Variants in RIN2 observed in about 807,000 individuals in gnomAD.
RIN2 encodes the protein RAB5 interacting protein 2.
RIN2 carries 36 observed loss-of-function variants against 78.0 expected under a neutral mutation model. That is an observed-to-expected ratio of 0.46 (90% CI 0.35 to 0.61). The LOEUF (loss-of-function observed/expected upper bound fraction) is 0.61. RIN2 is among the 20% of genes least tolerant of loss of function. The pLI, the probability that RIN2 is intolerant of heterozygous loss-of-function variation, is 0.00. For missense variants in RIN2, 1,087 were observed against 1,159.7 expected (o/e 0.94, Z 0.91); for synonymous variants, 466 against 466.8 (o/e 1.00, Z 0.02).
intron 4 of RIN2, among the ~76,000 whole-genome samples, chr20:19,956,275 AAAG>A (rs2041531800): frequency 6.6e-6 from 1 of 151,040 alleles, no homozygotes; most frequent in African/African-American, 2.4e-5. Flanking sequence ...AAAAAAAAAA[AAAG>A]AAAAGAAAAA....
intron 2 of RIN2, among the ~76,000 whole-genome samples, chr20:19,878,146 C>T (rs531519145): frequency 1.3e-5 from 2 of 152,322 alleles, no homozygotes; most frequent in South Asian, 2.1e-4. Flanking sequence ...CACCCCTCCT[C>T]GTGGAAGGAG....
chr20:19,791,990 C>G (rs1373185836), intron 1 of RIN2, among the ~76,000 whole-genome samples: 1 of 152,174 alleles, frequency 6.6e-6, no homozygotes, highest in South Asian at 2.1e-4. Flanking sequence ...TTCCCTCCCC[C>G]ATCCAGCTTT....
chr20:19,913,551 A>T (rs758797674), intron 3 of RIN2, among the ~76,000 whole-genome samples: 2 of 152,230 alleles, frequency 1.3e-5, no homozygotes, highest in Non-Finnish European at 2.9e-5. Context: ...TTCATCTTGC[A>T]GAATTGAAAC....
intron 1 of RIN2, among the ~76,000 whole-genome samples, chr20:19,786,008 T>C (rs533028902): frequency 6.6e-6 from 1 of 152,244 alleles, no homozygotes; most frequent in Admixed American, 6.5e-5. Context: ...ATGTGAAAAA[T>C]GAGAATGGGA....
intron 4 of RIN2, among the ~76,000 whole-genome samples, chr20:19,952,043 C>A (rs1568653026): frequency 6.6e-6 from 1 of 152,114 alleles, no homozygotes; most frequent in Non-Finnish European, 1.5e-5. Flanking sequence ...AAGCAGCCTG[C>A]CAAGGAGTGA....
At chr20:19,933,281 G>A (rs568765238) in intron 3 of RIN2, among the ~76,000 whole-genome samples, 11 of 152,174 alleles carry the variant, frequency 7.2e-5, no homozygotes, top group Non-Finnish European at 1.3e-4. Flanking sequence ...CTACAAAGTT[G>A]GCAAGATCTG....
At chr20:19,958,497 C>G (rs1568662412) in intron 5 of RIN2, among the ~76,000 whole-genome samples, 1 of 152,274 alleles carries the variant, frequency 6.6e-6, no homozygotes, top group Non-Finnish European at 1.5e-5. Context: ...GATCCCTGCA[C>G]AGGGCCTGCC....
In RIN2 at chr20:19,963,607, C is replaced by T. The variant is rs568159120; in HGVS notation, c.464-1345C>T. 1.6e-4 allele frequency among the ~76,000 whole-genome samples: 18 copies of T among 111,102 alleles called. No individual in the cohort carries two copies. The East Asian group carries it at 9.4e-3, about 58-fold the overall frequency. 72.9% of individuals were successfully genotyped at this position (111,102 alleles called of 152,430 possible). A position where few individuals can be genotyped will look rare whatever the true frequency, so the allele number is the denominator to read the frequency against. On this transcript the variant is annotated intron_variant, in intron 6 of 12. Coordinates refer to ENST00000255006, the MANE Select transcript of RIN2 (RefSeq NM_018993.4). ...CTGGGCAACAACAGCGAAACTCTGT[C>T]TCCAAAAAAAAAAAAAAAGGCAAAT...
At chr20:19,924,376 T>C (rs926873129) in intron 3 of RIN2, among the ~76,000 whole-genome samples, 10 of 4,414 alleles carry the variant, frequency 2.3e-3, no homozygotes, top group African/African-American at 4.3e-3. Context: ...CTTCATACCC[T>C]CACCTTCGTA....
At chr20:19,840,162 A>T (rs183320557) in intron 2 of RIN2, among the ~76,000 whole-genome samples, 3 of 152,350 alleles carry the variant, frequency 2.0e-5, no homozygotes, top group African/African-American at 7.2e-5. Flanking sequence ...GTTTTAGCCA[A>T]CTCCAACCTC....
intron 2 of RIN2, among the ~76,000 whole-genome samples, chr20:19,851,545 C>T (rs546471015): frequency 1.4e-4 from 22 of 152,120 alleles, no homozygotes; most frequent in South Asian, 4.2e-4. Context: ...TGCAACATAA[C>T]GAGACTTCAT....
intron 1 of RIN2, among the ~76,000 whole-genome samples, chr20:19,787,794 G>T (rs1465891290): frequency 6.6e-6 from 1 of 152,198 alleles, no homozygotes. Flanking sequence ...CATAGATCTA[G>T]TAAGGGGAGG....
At chr20:19,937,560 A>G (rs1000741366) in intron 4 of RIN2, among the ~76,000 whole-genome samples, 4 of 152,212 alleles carry the variant, frequency 2.6e-5, no homozygotes, top group African/African-American at 9.6e-5. Context: ...CTATTACTCT[A>G]GCTGTGTTAG....
intron 1 of RIN2, among the ~76,000 whole-genome samples, chr20:19,798,664 G>A (rs1047044413): frequency 5.3e-5 from 8 of 152,048 alleles, no homozygotes; most frequent in South Asian, 2.1e-4. Flanking sequence ...GTGTGTGTGC[G>A]TGTAATAGGA....
intron 2 of RIN2, among the ~76,000 whole-genome samples, chr20:19,852,957 A>C (rs544047508): frequency 1.6e-4 from 24 of 151,730 alleles, no homozygotes; most frequent in African/African-American, 5.8e-4. Flanking sequence ...ATATGTATAC[A>C]TGTGCCATGT....
chr20:19,834,980 G>A (rs1354727626), intron 2 of RIN2, among the ~76,000 whole-genome samples: 3 of 144,348 alleles, frequency 2.1e-5, no homozygotes, highest in South Asian at 2.3e-4. Flanking sequence ...AGAAAGAAAG[G>A]AAGGAAAGAG....
chr20:19,854,590 C>A (rs1201538660), intron 2 of RIN2, among the ~76,000 whole-genome samples: 1 of 152,120 alleles, frequency 6.6e-6, no homozygotes, highest in African/African-American at 2.4e-5. Context: ...TGAAGAGGTC[C>A]TTCACATCCC....
intron 9 of RIN2, among the ~76,000 whole-genome samples, chr20:19,989,730 G>A (rs1247853440): frequency 6.6e-6 from 1 of 152,226 alleles, no homozygotes; most frequent in Non-Finnish European, 1.5e-5. Flanking sequence ...CAGGGATAGG[G>A]CATGAAAGTA....
At chr20:19,960,587 C>G in intron 5 of RIN2, 113 bp from the exon 6 acceptor site, 1 of 794,302 alleles carries the variant, frequency 1.3e-6, no homozygotes, top group South Asian at 1.5e-5. Context: ...TGCAGGGAGC[C>G]ATGCAGTGTG....
Sources: allele counts gnomAD v4.1 joint callset (sites outside exome capture counted in the v4.1 genomes callset), GRCh38; gene constraint gnomAD v4.1.1; transcripts MANE v1.5; gene names NCBI Gene and HGNC (gene_info 2026-07-23, HGNC 2026-07-21).